Variants in PRKAR1A observed in about 807,000 individuals in gnomAD.
PRKAR1A encodes protein kinase cAMP-dependent type I regulatory subunit alpha, also known as cAMP-dependent protein kinase type I-alpha regulatory subunit.
PRKAR1A carries 3 observed loss-of-function variants against 52.0 expected under a neutral mutation model. The observed-to-expected ratio is 0.06, with a 90% CI of 0.03 to 0.15. PRKAR1A has a LOEUF of 0.15. Ranked by LOEUF, PRKAR1A falls within the 10% of genes least tolerant of loss-of-function variation. The pLI is 1.00. For missense variants in PRKAR1A, 240 were observed against 477.4 expected (o/e 0.50, Z 4.63); for synonymous variants, 188 against 168.4 (o/e 1.12, Z -0.90).
chr17:68,441,263 A>G, the PRKAR1A span, among the ~76,000 whole-genome samples: 1 of 152,250 alleles, frequency 6.6e-6, no homozygotes, highest in African/African-American at 2.4e-5. Flanking sequence ...ACACAACAGG[A>G]ACGGGCATGA....
the PRKAR1A span, among the ~76,000 whole-genome samples, chr17:68,502,739 C>T: frequency 4.1e-5 from 5 of 121,134 alleles, no homozygotes; most frequent in South Asian, 9.9e-4. Flanking sequence ...GCAACAAGAG[C>T]GAAACTTCAT....
intron 11 of PRKAR1A, chr17:68,540,439 C>T: frequency 2.1e-6 from 1 of 466,738 alleles, no homozygotes; most frequent in South Asian, 1.5e-5. Context: ...GTCTCGTCTC[C>T]CTAGAAGTCC....
the PRKAR1A span, among the ~76,000 whole-genome samples, chr17:68,459,288 T>A: frequency 6.6e-6 from 1 of 152,336 alleles, no homozygotes; most frequent in South Asian, 2.1e-4. Context: ...TCTGTCCTGG[T>A]TAGAAAACCT....
chr17:68,420,420 G>A, the PRKAR1A span: 2 of 1,614,152 alleles, frequency 1.2e-6, no homozygotes, highest in Non-Finnish European at 1.7e-6. Flanking sequence ...GTAACTCCCT[G>A]CTGTAATCCC....
chr17:68,485,524 A>C, the PRKAR1A span, among the ~76,000 whole-genome samples: 13 of 152,166 alleles, frequency 8.5e-5, no homozygotes, highest in South Asian at 2.1e-4. Flanking sequence ...AGGACCTTTG[A>C]AACTCTTCTG....
At chr17:68,480,586 T>C in the PRKAR1A span, among the ~76,000 whole-genome samples, 1 of 152,188 alleles carries the variant, frequency 6.6e-6, no homozygotes, top group African/African-American at 2.4e-5. Context: ...CTCATTCTGT[T>C]GCCCAGACTG....
chr17:68,539,237 T>G, intron 11 of PRKAR1A: 1 of 1,134,764 alleles, frequency 8.8e-7, no homozygotes, highest in South Asian at 1.3e-5. Context: ...ACTTACGTCC[T>G]GGACCAGTGA....
At chr17:68,433,760 GTTTTTTTTTTTTTTTTTTT>G in the PRKAR1A span, among the ~76,000 whole-genome samples, 64 of 72,818 alleles carry the variant, frequency 8.8e-4, 1 homozygote, top group African/African-American at 2.4e-3. Flanking sequence ...AAGGGTCATA[GTTTTTTTTTTTTTTTTTTT>G]TTTTTTTTTT....
intron 11 of PRKAR1A, chr17:68,539,402 A>C: frequency 6.2e-7 from 1 of 1,614,092 alleles, no homozygotes; most frequent in Non-Finnish European, 8.5e-7. Context: ...CGAACCTAGG[A>C]GGAGAAACAG....
chr17:68,417,733 A>ATTTTTT, the PRKAR1A span, among the ~76,000 whole-genome samples: 1,135 of 60,826 alleles, frequency 0.019, 263 homozygotes, highest in Non-Finnish European at 0.02. Flanking sequence ...GAGTTGCTGA[A>ATTTTTT]TTTTTTTTTT....
At chr17:68,479,425 A>G in the PRKAR1A span, among the ~76,000 whole-genome samples, 1 of 152,154 alleles carries the variant, frequency 6.6e-6, no homozygotes, top group Non-Finnish European at 1.5e-5. Flanking sequence ...TGTATTCTGA[A>G]TGGGAACTGG....
chr17:68,424,970 A>G, the PRKAR1A span, among the ~76,000 whole-genome samples: 1 of 152,232 alleles, frequency 6.6e-6, no homozygotes, highest in Non-Finnish European at 1.5e-5. Flanking sequence ...AGAGCGGTCT[A>G]TATGTTACTC....
the PRKAR1A span, chr17:68,420,391 T>C: frequency 1.6e-4 from 252 of 1,614,004 alleles, no homozygotes; most frequent in Non-Finnish European, 2.0e-4. Flanking sequence ...CCAGCGCAGA[T>C]TACACTCAGG....
At chr17:68,486,198 G>A in the PRKAR1A span, among the ~76,000 whole-genome samples, 5 of 129,474 alleles carry the variant, frequency 3.9e-5, no homozygotes, top group Admixed American at 1.4e-4. Flanking sequence ...AAGAGCTCAT[G>A]AGGTTTTTTT....
the PRKAR1A span, among the ~76,000 whole-genome samples, chr17:68,425,362 C>G: frequency 6.7e-6 from 1 of 149,890 alleles, no homozygotes; most frequent in Admixed American, 6.8e-5. Context: ...TGACACCACA[C>G]CCGGCTAATT....
intron 11 of PRKAR1A, among the ~76,000 whole-genome samples, chr17:68,545,298 A>G (rs2086496432): frequency 6.6e-6 from 1 of 152,212 alleles, no homozygotes; most frequent in South Asian, 2.1e-4. Flanking sequence ...AGTTGGAACA[A>G]TTTTTGTATA....
At chr17:68,414,385 G>A in the PRKAR1A span, among the ~76,000 whole-genome samples, 1 of 152,156 alleles carries the variant, frequency 6.6e-6, no homozygotes, top group Non-Finnish European at 1.5e-5. Flanking sequence ...AAACCCCCTT[G>A]ATTATGGTGA....
the PRKAR1A span, among the ~76,000 whole-genome samples, chr17:68,481,502 C>T: frequency 6.6e-6 from 1 of 152,184 alleles, no homozygotes; most frequent in Non-Finnish European, 1.5e-5. Context: ...CTAGATCCCT[C>T]ACATGCACAG....
chr17:68,428,946 A>G, the PRKAR1A span: 1 of 1,606,530 alleles, frequency 6.2e-7, no homozygotes, highest in African/African-American at 1.3e-5. Flanking sequence ...CCTAAGGGCC[A>G]AGGAAAACAT....
Sources: gnomAD v4.1 joint callset for allele counts (sites outside exome capture counted in the v4.1 genomes callset) on GRCh38, gnomAD v4.1.1 for gene constraint, MANE v1.5 for transcripts, NCBI Gene and HGNC (gene_info 2026-07-23, HGNC 2026-07-21) for gene names.